IQCJ: variants seen among roughly 807,000 people sequenced by gnomAD.
The protein encoded by IQCJ is IQ motif containing J.
IQCJ carries 9 observed loss-of-function variants against 11.0 expected under a neutral mutation model. The ratio of observed to expected loss-of-function variants is 0.82; its 90% CI spans 0.49 to 1.43. The LOEUF (loss-of-function observed/expected upper bound fraction) is 1.43. IQCJ is among the 40% of genes most tolerant of loss of function. The pLI, the probability that IQCJ is intolerant of heterozygous loss-of-function variation, is 0.00. For synonymous variants in IQCJ, 55 were observed against 51.3 expected (o/e 1.07, Z -0.31); for missense variants, 146 against 133.2 (o/e 1.10, Z -0.47).
In IQCJ at chr3:159,149,517, G is replaced by A. The variant is rs146398865; in HGVS notation, c.9+80076G>A. On this transcript the variant is annotated intron_variant, in intron 1 of 3. Transcript: ENST00000397832. ...CTGAGTGGGGTTGTATTAGCAAAAC[G>A]TTAAACATTAAGAGGCTGTTTGGGG... Among the ~76,000 whole-genome samples the A allele has an allele frequency of 3.1e-3, 476 of 152,186 alleles. 1 individual carries two copies. Among genetic ancestry groups the A allele is most frequent in the African/African-American group, 0.011 (459 of 41,526 alleles).
intron 1 of IQCJ, among the ~76,000 whole-genome samples, chr3:159,125,695 T>C (rs963416164): frequency 6.6e-6 from 1 of 152,216 alleles, no homozygotes; most frequent in African/African-American, 2.4e-5. Context: ...TCTGACCAGA[T>C]TCCTTGCTCT....
At chr3:159,084,917 T>TC (rs1215815678) in intron 1 of IQCJ, among the ~76,000 whole-genome samples, 17 of 151,568 alleles carry the variant, frequency 1.1e-4, no homozygotes. Context: ...TAAGTTCTTT[T>TC]TTTTTTATTA....
intron 1 of IQCJ, among the ~76,000 whole-genome samples, chr3:159,158,391 G>A (rs1721654518): frequency 6.6e-6 from 1 of 152,192 alleles, no homozygotes; most frequent in Non-Finnish European, 1.5e-5. Flanking sequence ...TTACTCAGAA[G>A]TTTTGTGAGT....
intron 1 of IQCJ, among the ~76,000 whole-genome samples, chr3:159,081,787 G>A (rs902442638): frequency 6.6e-6 from 1 of 152,042 alleles, no homozygotes; most frequent in African/African-American, 2.4e-5. Context: ...AATATTCCCT[G>A]TCTATTAGAG....
chr3:159,091,674 GCA>G (rs1170628138), intron 1 of IQCJ, among the ~76,000 whole-genome samples: 3,055 of 81,192 alleles, frequency 0.038, 60 homozygotes, highest in African/African-American at 0.081. Flanking sequence ...ACACACGCAT[GCA>G]CACACACACA....
chr3:159,198,728 G>T (rs956093341), intron 1 of IQCJ, among the ~76,000 whole-genome samples: 1 of 152,158 alleles, frequency 6.6e-6, no homozygotes, highest in African/African-American at 2.4e-5. Context: ...AGCAAAAATT[G>T]GTTGGTATGA....
intron 1 of IQCJ, among the ~76,000 whole-genome samples, chr3:159,152,736 T>C (rs1046801012): frequency 2.0e-5 from 3 of 152,222 alleles, no homozygotes; most frequent in African/African-American, 7.2e-5. Flanking sequence ...CTAACTCACA[T>C]TCTAGTAAGG....
chr3:159,093,977 C>T (rs1717531297), intron 1 of IQCJ, among the ~76,000 whole-genome samples: 1 of 151,738 alleles, frequency 6.6e-6, no homozygotes, highest in Non-Finnish European at 1.5e-5. Context: ...GGGTGGGGCA[C>T]AGACAAATCA....
chr3:159,252,971 C>T (rs992259061), intron 3 of IQCJ, among the ~76,000 whole-genome samples, 164 bp downstream of exon 3: 6 of 152,184 alleles, frequency 3.9e-5, no homozygotes, highest in African/African-American at 1.4e-4. Flanking sequence ...ACTTTGGGTA[C>T]ACAGCACCAT....
chr3:159,110,212 T>C (rs1018399155), intron 1 of IQCJ, among the ~76,000 whole-genome samples: 2 of 152,164 alleles, frequency 1.3e-5, no homozygotes, highest in Admixed American at 1.3e-4. Context: ...CAGATTAATT[T>C]ATCTAAGGTT....
intron 1 of IQCJ, among the ~76,000 whole-genome samples, chr3:159,164,531 G>A (rs1722055643): frequency 6.6e-6 from 1 of 152,170 alleles, no homozygotes; most frequent in South Asian, 2.1e-4. Flanking sequence ...ACTTTGTAAG[G>A]CCAAGGTGGG....
chr3:159,160,388 T>G (rs1577049947), intron 1 of IQCJ, among the ~76,000 whole-genome samples: 1 of 151,602 alleles, frequency 6.6e-6, no homozygotes, highest in East Asian at 1.9e-4. Flanking sequence ...CTGCAACCTC[T>G]GCCTCTGGGG....
Position 159,262,611 on chromosome 3 carries a change from C to T in IQCJ, c.219C>T (p.Ser73=). 6.2e-7 allele frequency: 1 copy of T among 1,613,924 alleles called. No homozygotes were observed. The highest frequency in any genetic ancestry group is 1.1e-5 in the South Asian group (1 of 91,080). ...AGCCCCTGGGGAAGAGGAGCCCGTC[C>T]CCACCCTCTGTCTCCTCAGAGAAGC... The part of the protein sequence containing the change: ...RQEPLGKRSP[S]PPSVSSEKLS... The change falls in exon 4 of 4, where the codon TCC becomes TCT. Residue 73 remains serine (S), a synonymous_variant. Coordinates refer to ENST00000397832, the MANE Select transcript of IQCJ (RefSeq NM_001042706.3).
chr3:159,121,857 A>G (rs996499505), intron 1 of IQCJ, among the ~76,000 whole-genome samples: 1 of 152,212 alleles, frequency 6.6e-6, no homozygotes, highest in African/African-American at 2.4e-5. Flanking sequence ...GAACCCTGCA[A>G]AAATCTGGTT....
At chr3:159,193,561 T>G (rs965656863) in intron 1 of IQCJ, among the ~76,000 whole-genome samples, 1 of 152,214 alleles carries the variant, frequency 6.6e-6, no homozygotes, top group African/African-American at 2.4e-5. Flanking sequence ...TGTGATGTTA[T>G]GTGTGGTTCC....
chr3:159,089,424 C>A (rs1018984500), intron 1 of IQCJ, among the ~76,000 whole-genome samples: 2 of 151,884 alleles, frequency 1.3e-5, no homozygotes, highest in Non-Finnish European at 2.9e-5. Context: ...CGAGGAGTAT[C>A]TTTGTGGTGT....
intron 3 of IQCJ, among the ~76,000 whole-genome samples, chr3:159,261,549 A>G (rs750577446): frequency 2.0e-5 from 3 of 152,164 alleles, no homozygotes; most frequent in African/African-American, 4.8e-5. Context: ...GTGCTTTTAC[A>G]TGGGGCTTCC....
chr3:159,128,696 G>C lies in IQCJ; in HGVS notation c.9+59255G>C, dbSNP rs189297779. On this transcript the variant is annotated intron_variant, in intron 1 of 3. Transcript: ENST00000397832. Reference sequence around the variant, plus strand: ...CCATCCTGCCTGTGTGGCCAGATTAGTCTCCCTAAAGATCTGCTCCCAACA... The same window carrying C: ...CCATCCTGCCTGTGTGGCCAGATTACTCTCCCTAAAGATCTGCTCCCAACA... Among the ~76,000 whole-genome samples, 7 of 152,218 alleles carry C rather than the reference G, an allele frequency of 4.6e-5. No individual in the cohort carries two copies. In the East Asian group the frequency reaches 1.2e-3, roughly 25 times the overall value.
intron 1 of IQCJ, among the ~76,000 whole-genome samples, chr3:159,169,180 C>T (rs1321911427): frequency 1.3e-5 from 2 of 150,978 alleles, no homozygotes; most frequent in African/African-American, 4.9e-5. Flanking sequence ...CTTGCCATAA[C>T]TTGCCAAAGA....
Sources: gnomAD v4.1 joint callset for allele counts (sites outside exome capture counted in the v4.1 genomes callset) on GRCh38, gnomAD v4.1.1 for gene constraint, MANE v1.5 for transcripts, NCBI Gene and HGNC (gene_info 2026-07-23, HGNC 2026-07-21) for gene names.